SAMD12: variants seen among roughly 807,000 people sequenced by gnomAD.
SAMD12 encodes sterile alpha motif domain-containing protein 12.
In SAMD12, 9 loss-of-function variants were observed where a neutral mutation model predicts 15.0. That is an observed-to-expected ratio of 0.60 (90% confidence interval 0.36 to 1.05). The LOEUF (loss-of-function observed/expected upper bound fraction) is 1.05. SAMD12 is among the 50% of genes least tolerant of loss of function. SAMD12 has a pLI of 0.01. For missense variants in SAMD12, 230 were observed against 234.2 expected (o/e 0.98, Z 0.12); for synonymous variants, 86 against 90.1 (o/e 0.96, Z 0.25).
chr8:118,619,900 A>C (rs991009949), intron 1 of SAMD12, among the ~76,000 whole-genome samples: 2 of 152,206 alleles, frequency 1.3e-5, no homozygotes, highest in Non-Finnish European at 2.9e-5. Context: ...GTCCAGGCTG[A>C]TATCTTTGCA....
At chr8:118,364,617 G>A (rs1818673384) in intron 4 of SAMD12, among the ~76,000 whole-genome samples, 2 of 152,162 alleles carry the variant, frequency 1.3e-5, no homozygotes, top group Non-Finnish European at 2.9e-5. Context: ...GAAGTCAACT[G>A]CGGTGAAGCT....
chr8:118,173,423 C>T, the SAMD12 span, among the ~76,000 whole-genome samples: 1 of 152,038 alleles, frequency 6.6e-6, no homozygotes, highest in East Asian at 1.9e-4. Context: ...CCCCTGGAAC[C>T]TCCATCTTAT....
intron 4 of SAMD12, among the ~76,000 whole-genome samples, chr8:118,352,742 A>C (rs1235681632): frequency 6.6e-6 from 1 of 152,236 alleles, no homozygotes; most frequent in African/African-American, 2.4e-5. Context: ...ATTTTTAAAG[A>C]AGAGCATTTT....
chr8:118,419,555 G>A (rs1411791677), intron 3 of SAMD12, among the ~76,000 whole-genome samples: 8 of 152,120 alleles, frequency 5.3e-5, no homozygotes, highest in African/African-American at 1.4e-4. Flanking sequence ...CAGTGGTACC[G>A]TTTTTCAGCC....
At chr8:118,181,601 A>T in the SAMD12 span, among the ~76,000 whole-genome samples, 2 of 152,196 alleles carry the variant, frequency 1.3e-5, no homozygotes, top group Admixed American at 1.3e-4. Flanking sequence ...TAAGGCTGGG[A>T]CTGTGAGATG....
intron 4 of SAMD12, among the ~76,000 whole-genome samples, chr8:118,329,536 T>A (rs1160769755): frequency 6.6e-6 from 1 of 152,062 alleles, no homozygotes; most frequent in African/African-American, 2.4e-5. Context: ...ATCTCCCTGA[T>A]CCCCGCCCTT....
intron 2 of SAMD12, among the ~76,000 whole-genome samples, chr8:118,458,457 T>A (rs1488870724): frequency 6.6e-6 from 1 of 152,192 alleles, no homozygotes; most frequent in Non-Finnish European, 1.5e-5. Flanking sequence ...CCCCTTTGAT[T>A]TGAAAGCACA....
the SAMD12 span, among the ~76,000 whole-genome samples, chr8:118,147,491 G>C: frequency 6.6e-6 from 1 of 151,024 alleles, no homozygotes. Flanking sequence ...CTCCCGAGTA[G>C]CTGGGATTAC....
chr8:118,405,698 A>G (rs1468001093), intron 3 of SAMD12, among the ~76,000 whole-genome samples: 1 of 152,124 alleles, frequency 6.6e-6, no homozygotes, highest in Non-Finnish European at 1.5e-5. Flanking sequence ...GAAGGGAGGG[A>G]GAGAGAAAGG....
chr8:118,451,114 G>A (rs553846375), intron 2 of SAMD12, among the ~76,000 whole-genome samples: 4 of 152,188 alleles, frequency 2.6e-5, no homozygotes, highest in Non-Finnish European at 4.4e-5. Flanking sequence ...GAAAGGTAAA[G>A]TAACTCATCC....
chr8:118,313,411 C>T (rs555429517), intron 4 of SAMD12, among the ~76,000 whole-genome samples: 2 of 152,206 alleles, frequency 1.3e-5, no homozygotes, highest in East Asian at 1.9e-4. Context: ...CTGCAGTGGT[C>T]GTTTTGGAGT....
intron 2 of SAMD12, among the ~76,000 whole-genome samples, chr8:118,453,623 T>C (rs974999544): frequency 2.9e-4 from 44 of 152,126 alleles, no homozygotes; most frequent in African/African-American, 9.9e-4. Context: ...CAGATTCAAA[T>C]GGTCCTCCTA....
At chr8:118,362,711 C>T (rs923907908) in intron 4 of SAMD12, among the ~76,000 whole-genome samples, 2 of 152,160 alleles carry the variant, frequency 1.3e-5, no homozygotes, top group African/African-American at 4.8e-5. Context: ...ATACTTCAAA[C>T]CCTCATGGTC....
At chr8:118,316,971 A>G (rs10102091) in intron 4 of SAMD12, among the ~76,000 whole-genome samples, 72,183 of 151,470 alleles carry the variant, frequency 0.48, 19,716 homozygotes, top group African/African-American at 0.77. Context: ...CGAACTTTAA[A>G]GAGGTAATTA....
chr8:118,156,726 A>C, the SAMD12 span, among the ~76,000 whole-genome samples: 7,813 of 152,302 alleles, frequency 0.051, 315 homozygotes, highest in South Asian at 0.19. Context: ...GAGAAAAAGC[A>C]TACAAAATGC....
chr8:118,336,899 A>G (rs1397281957), intron 4 of SAMD12, among the ~76,000 whole-genome samples: 1 of 152,196 alleles, frequency 6.6e-6, no homozygotes, highest in Admixed American at 6.5e-5. Flanking sequence ...TTCTGAGCAA[A>G]CTATTGCAAG....
rs192591115 is a variant in SAMD12, at chr8:118,394,438, T to C, written c.323-14738A>G. On this transcript the variant is annotated intron_variant, in intron 3 of 3. Transcript: ENST00000314727. The stretch of plus-strand genomic sequence containing the variant: ...ATTTCCCTCCTCAAATTACAAGCTC[T>C]TGAAAGTAAGGGTGTATCTTTTCAT... Among the ~76,000 whole-genome samples, 197 of 152,306 alleles carry C rather than the reference T, an allele frequency of 1.3e-3. 1 individual carries two copies. Among genetic ancestry groups the C allele is most frequent in the Non-Finnish European group, 1.0e-4 (7 of 68,032 alleles).
At position 118,236,442 on chromosome 8, in the gene SAMD12, C is replaced by T. The variant is rs534037813; in HGVS notation, c.434-38710G>A. ...CCAATGAAACTCTCTAGCTAAATTA[C>T]CAAGTGTGAGGCCTAAATTTAGGAC... On this transcript the variant is annotated intron_variant, in intron 4 of 4. Transcript: ENST00000409003. Among the ~76,000 whole-genome samples, 3 of 152,260 alleles carry T rather than the reference C, an allele frequency of 2.0e-5. No homozygotes were observed. In the South Asian group the frequency reaches 6.2e-4, roughly 32 times the overall value.
intron 4 of SAMD12, among the ~76,000 whole-genome samples, chr8:118,266,483 C>T (rs1446258419): frequency 6.6e-6 from 1 of 152,088 alleles, no homozygotes; most frequent in Non-Finnish European, 1.5e-5. Context: ...AATCCCACTT[C>T]TGGGCATATA....
Sources: allele counts gnomAD v4.1 joint callset (sites outside exome capture counted in the v4.1 genomes callset), GRCh38; gene constraint gnomAD v4.1.1; transcripts MANE v1.5; gene names NCBI Gene and HGNC (gene_info 2026-07-23, HGNC 2026-07-21).